The following MCU variants were observed in gnomAD, a reference collection of about 807,000 sequenced individuals.
MCU encodes the protein mitochondrial calcium uniporter.
MCU carries 12 observed loss-of-function variants against 45.2 expected under a neutral mutation model. The observed-to-expected ratio is 0.27, with a 90% CI of 0.17 to 0.43. MCU has a LOEUF of 0.43. Ranked by LOEUF, MCU falls within the 20% of genes least tolerant of loss-of-function variation. MCU has a pLI of 1.00. For synonymous variants in MCU, 160 were observed against 165.1 expected (o/e 0.97, Z 0.24); for missense variants, 324 against 436.7 (o/e 0.74, Z 2.30).
chr10:72,738,758 T>C (rs1197945275), intron 1 of MCU, among the ~76,000 whole-genome samples: 1 of 152,262 alleles, frequency 6.6e-6, no homozygotes, highest in Non-Finnish European at 1.5e-5. Context: ...AAGCCCTTGA[T>C]GGTTGAACTC....
intron 1 of MCU, chr10:72,767,058 C>G (rs185337693): frequency 6.6e-6 from 1 of 152,240 alleles, no homozygotes; most frequent in East Asian, 1.9e-4. Flanking sequence ...TATAAGTTCC[C>G]TTGTGCTGCT....
At chr10:72,834,867 C>A (rs1232146329) in intron 2 of MCU, among the ~76,000 whole-genome samples, 1 of 152,072 alleles carries the variant, frequency 6.6e-6, no homozygotes, top group Non-Finnish European at 1.5e-5. Flanking sequence ...ACCATGTTGG[C>A]CAGACTAGTC....
At chr10:72,800,330 C>T (rs1844319716) in intron 1 of MCU, among the ~76,000 whole-genome samples, 1 of 152,054 alleles carries the variant, frequency 6.6e-6, no homozygotes, top group Non-Finnish European at 1.5e-5. Context: ...TATCTTTAGC[C>T]TATGTGTATA....
intron 1 of MCU, among the ~76,000 whole-genome samples, chr10:72,804,975 GC>G (rs1252962104): frequency 6.6e-6 from 1 of 152,022 alleles, no homozygotes; most frequent in Non-Finnish European, 1.5e-5. Context: ...TTTGCTGGTT[GC>G]CCAGGCTGCT....
At chr10:72,873,668 A>G (rs758994205) in intron 6 of MCU, among the ~76,000 whole-genome samples, 2 of 152,192 alleles carry the variant, frequency 1.3e-5, no homozygotes, top group East Asian at 1.9e-4. Flanking sequence ...GGTCTTACAA[A>G]AAATCTTTGC....
intron 1 of MCU, among the ~76,000 whole-genome samples, chr10:72,825,726 G>A (rs888105004): frequency 8.5e-5 from 13 of 152,160 alleles, no homozygotes; most frequent in Non-Finnish European, 1.5e-4. Flanking sequence ...ACTCTATCAC[G>A]TATGGTTGAA....
At chr10:72,823,246 G>A (rs183502849) in intron 1 of MCU, among the ~76,000 whole-genome samples, 5 of 152,342 alleles carry the variant, frequency 3.3e-5, no homozygotes, top group Admixed American at 6.5e-5. Flanking sequence ...ATCATGCTAA[G>A]TGAAAGAAGG....
chr10:72,805,101 C>CTTTCTTTCTCTT (rs1554824914), intron 1 of MCU, among the ~76,000 whole-genome samples: 35 of 103,446 alleles, frequency 3.4e-4, no homozygotes, highest in African/African-American at 1.5e-3. Context: ...TTCTTTCTTT[C>CTTTCTTTCTCTT]TCTTTCTTTC....
At chr10:72,760,636 CCTT>C (rs1324919708) in intron 1 of MCU, 10 of 152,002 alleles carry the variant, frequency 6.6e-5, no homozygotes, top group Admixed American at 5.9e-4. Context: ...CTCAAGCAAT[CCTT>C]CTTTCTCAGC....
intron 1 of MCU, among the ~76,000 whole-genome samples, chr10:72,721,272 G>T (rs906548848): frequency 6.6e-5 from 10 of 152,156 alleles, no homozygotes; most frequent in Admixed American, 6.5e-4. Context: ...AGTTCTTCAA[G>T]GGGCCTACAG....
chr10:72,793,827 T>C (rs72812230), intron 1 of MCU, among the ~76,000 whole-genome samples: 5,545 of 152,222 alleles, frequency 0.036, 155 homozygotes, highest in Middle Eastern at 0.088. Context: ...TCAGAAGTTA[T>C]ATCATTACTT....
chr10:72,733,732 A>AGC, intron 1 of MCU, among the ~76,000 whole-genome samples: 1 of 149,900 alleles, frequency 6.7e-6, no homozygotes, highest in East Asian at 1.9e-4. Context: ...AGATAATCTT[A>AGC]TATAGCTTAA....
intron 1 of MCU, among the ~76,000 whole-genome samples, chr10:72,806,166 T>C (rs995248630): frequency 1.3e-5 from 2 of 149,454 alleles, no homozygotes; most frequent in African/African-American, 4.9e-5. Context: ...TTTTTTTTTT[T>C]TTTTTTTTGA....
chr10:72,867,877 T>A (rs1845481901), intron 4 of MCU, among the ~76,000 whole-genome samples: 1 of 150,802 alleles, frequency 6.6e-6, no homozygotes, highest in Non-Finnish European at 1.5e-5. Flanking sequence ...AAAAAAAGAT[T>A]ATTAGGATGA....
At position 72,733,911 on chromosome 10, in the gene MCU, A is replaced by G. The variant is rs143132577; in HGVS notation, c.150+41610A>G. Among the ~76,000 whole-genome samples the G allele has an allele frequency of 7.3e-3, 1,109 of 152,036 alleles. 13 individuals are homozygous for G. The highest frequency in any genetic ancestry group is 0.026 in the African/African-American group (1,065 of 41,530). On this transcript the variant is annotated intron_variant, in intron 1 of 7. Transcript: ENST00000373053. ...GAGAAAATTTGGAAAAATTATTTTA[A>G]AAGTAATATTTTTTAAAATTCAGAA...
intron 1 of MCU, among the ~76,000 whole-genome samples, chr10:72,764,984 G>T (rs941169814): frequency 1.3e-5 from 2 of 151,846 alleles, no homozygotes; most frequent in Non-Finnish European, 2.9e-5. Context: ...GGGAGTAATG[G>T]CTTGTGCCTG....
intron 1 of MCU, among the ~76,000 whole-genome samples, chr10:72,833,975 T>A (rs1844916835): frequency 6.6e-6 from 1 of 152,186 alleles, no homozygotes; most frequent in East Asian, 1.9e-4. Flanking sequence ...GAGACGCAGA[T>A]CTGAAAGGTA....
intron 4 of MCU, among the ~76,000 whole-genome samples, chr10:72,863,675 A>G (rs7908609): frequency 1 from 151,852 of 152,308 alleles, 75,706 homozygotes; most frequent in Non-Finnish European, 1. Context: ...GGAGTGCAGC[A>G]GTGCAATCTC....
At chr10:72,707,119 C>T (rs1176697938) in intron 1 of MCU, among the ~76,000 whole-genome samples, 1 of 151,660 alleles carries the variant, frequency 6.6e-6, no homozygotes, top group Non-Finnish European at 1.5e-5. Flanking sequence ...TGTGAGCCAC[C>T]ACACCTGGGC....
Sources: allele counts gnomAD v4.1 joint callset (sites outside exome capture counted in the v4.1 genomes callset), GRCh38; gene constraint gnomAD v4.1.1; transcripts MANE v1.5; gene names NCBI Gene and HGNC (gene_info 2026-07-23, HGNC 2026-07-21).